The following CSMD1 variants were observed in gnomAD, a reference collection of about 807,000 sequenced individuals.
CSMD1 encodes CUB and Sushi multiple domains 1, also known as CUB and sushi domain-containing protein 1.
In CSMD1, 213 loss-of-function variants were observed where a neutral mutation model predicts 417.5. The ratio of observed to expected loss-of-function variants is 0.51; its 90% CI spans 0.46 to 0.57. The LOEUF (loss-of-function observed/expected upper bound fraction) is 0.57, where lower values mean the gene tolerates loss of function less well. Among genes scored for constraint, CSMD1 ranks in the 20% least tolerant of loss-of-function variants. The pLI is 0.00. For missense variants in CSMD1, 6,923 were observed against 4,529.7 expected (o/e 1.53, Z -15.17); for synonymous variants, 2,862 against 1,736.8 (o/e 1.65, Z -16.11).
At chr8:4,707,527 T>C (rs568133405) in intron 1 of CSMD1, among the ~76,000 whole-genome samples, 3 of 152,230 alleles carry the variant, frequency 2.0e-5, no homozygotes, top group East Asian at 3.9e-4. Flanking sequence ...AACAGTTAAA[T>C]GGAGAGGCCG....
intron 10 of CSMD1, among the ~76,000 whole-genome samples, chr8:3,502,853 T>C (rs1243263097): frequency 2.0e-5 from 3 of 152,178 alleles, no homozygotes; most frequent in South Asian, 2.1e-4. Flanking sequence ...ACGTGCACTA[T>C]GGACTTTGGT....
intron 7 of CSMD1, among the ~76,000 whole-genome samples, chr8:3,627,425 TCA>T (rs1796546975): frequency 6.6e-6 from 1 of 152,196 alleles, no homozygotes. Context: ...AGTCCTGAAA[TCA>T]CAGACATTAA....
chr8:4,820,668 T>C (rs1198023420), intron 1 of CSMD1, among the ~76,000 whole-genome samples: 3 of 152,162 alleles, frequency 2.0e-5, no homozygotes, highest in African/African-American at 7.2e-5. Context: ...TGCTTTGCCA[T>C]CATTCAAATG....
intron 2 of CSMD1, among the ~76,000 whole-genome samples, chr8:4,426,612 A>G (rs1320915930): frequency 1.3e-5 from 1 of 75,562 alleles, no homozygotes; most frequent in Non-Finnish European, 2.5e-5. Flanking sequence ...ACTATAAATT[A>G]TATTGTTTAC....
At chr8:3,305,624 C>T (rs773900861) in intron 25 of CSMD1, among the ~76,000 whole-genome samples, 14 of 151,982 alleles carry the variant, frequency 9.2e-5, no homozygotes, top group Non-Finnish European at 1.9e-4. Context: ...ATGCCATGCC[C>T]TTGGACTTCC....
intron 3 of CSMD1, among the ~76,000 whole-genome samples, chr8:4,407,686 T>G (rs1274011131): frequency 6.6e-6 from 1 of 152,182 alleles, no homozygotes; most frequent in African/African-American, 2.4e-5. Flanking sequence ...CAAATTTAAA[T>G]TTGTTATCAC....
At chr8:4,576,363 G>T (rs904810513) in intron 2 of CSMD1, among the ~76,000 whole-genome samples, 7 of 152,200 alleles carry the variant, frequency 4.6e-5, no homozygotes, top group Non-Finnish European at 7.3e-5. Context: ...GGGAGAGTCA[G>T]AGGCATTTGG....
intron 11 of CSMD1, among the ~76,000 whole-genome samples, chr8:3,483,406 A>T (rs934330671): frequency 2.6e-5 from 4 of 152,068 alleles, no homozygotes; most frequent in African/African-American, 9.6e-5. Flanking sequence ...GATTTGTCAA[A>T]AACTATTAAC....
At position 3,449,440 on chromosome 8, in the gene CSMD1, G is replaced by C. The variant is rs933882457; in HGVS notation, c.1561+19272C>G. On this transcript the variant is annotated intron_variant, in intron 12 of 69. Coordinates refer to ENST00000635120, the MANE Select transcript of CSMD1 (RefSeq NM_033225.6). ...CTCCCACCATGCCTAAGGATGTCCTGGACTCGGAAAGTGAATTTTTTCTTA... is the reference window on the plus strand; with the variant it reads ...CTCCCACCATGCCTAAGGATGTCCTCGACTCGGAAAGTGAATTTTTTCTTA... 9.2e-5 allele frequency among the ~76,000 whole-genome samples: 14 copies of C among 152,026 alleles called. No homozygotes were observed. The East Asian group carries it at 2.3e-3, about 25-fold the overall frequency.
chr8:2,941,084 C>T (rs541591849), intron 69 of CSMD1, among the ~76,000 whole-genome samples: 17 of 152,274 alleles, frequency 1.1e-4, no homozygotes, highest in African/African-American at 3.8e-4. Flanking sequence ...GCTCATCGGA[C>T]TTGTGTGTAT....
chr8:3,398,345 T>A (rs1429511338), intron 16 of CSMD1, among the ~76,000 whole-genome samples: 1 of 152,194 alleles, frequency 6.6e-6, no homozygotes, highest in Non-Finnish European at 1.5e-5. Flanking sequence ...ATAGATGGAT[T>A]TATAAACAAC....
intron 3 of CSMD1, among the ~76,000 whole-genome samples, chr8:4,362,099 G>C (rs1469397649): frequency 2.0e-5 from 3 of 152,084 alleles, no homozygotes; most frequent in Admixed American, 6.6e-5. Context: ...ATACAAATGA[G>C]AACAGAATTA....
At chr8:3,316,799 G>T (rs1291480890) in intron 23 of CSMD1, among the ~76,000 whole-genome samples, 1 of 152,138 alleles carries the variant, frequency 6.6e-6, no homozygotes, top group Non-Finnish European at 1.5e-5. Flanking sequence ...GTGCAGTGGG[G>T]GGAAGGCAAC....
intron 1 of CSMD1, among the ~76,000 whole-genome samples, chr8:4,827,441 C>A (rs187075428): frequency 2.6e-4 from 40 of 152,260 alleles, no homozygotes; most frequent in African/African-American, 9.4e-4. Flanking sequence ...AAACTCTCTT[C>A]TTTGCAGAAA....
At chr8:2,986,326 T>C (rs576834232) in intron 54 of CSMD1, among the ~76,000 whole-genome samples, 1 of 152,170 alleles carries the variant, frequency 6.6e-6, no homozygotes, top group South Asian at 2.1e-4. Flanking sequence ...CCTTGATTCT[T>C]CATCTAAGAA....
intron 12 of CSMD1, among the ~76,000 whole-genome samples, chr8:3,451,656 T>C (rs575253434): frequency 4.4e-4 from 67 of 152,306 alleles, no homozygotes; most frequent in African/African-American, 1.6e-3. Flanking sequence ...GAGGGCTCTG[T>C]TCTGTTCCAT....
intron 1 of CSMD1, among the ~76,000 whole-genome samples, chr8:4,920,117 G>T (rs1270315611): frequency 6.6e-6 from 1 of 152,172 alleles, no homozygotes; most frequent in African/African-American, 2.4e-5. Context: ...AATCAAGGTA[G>T]GTTATCATGA....
chr8:4,205,122 C>T (rs1054932383), intron 3 of CSMD1, among the ~76,000 whole-genome samples: 1 of 152,098 alleles, frequency 6.6e-6, no homozygotes, highest in Non-Finnish European at 1.5e-5. Context: ...AACATAAACA[C>T]ATTTATCTCA....
chr8:4,974,776 A>T (rs181648877), intron 1 of CSMD1, among the ~76,000 whole-genome samples: 1 of 152,272 alleles, frequency 6.6e-6, no homozygotes, highest in African/African-American at 2.4e-5. Context: ...TGAGCCTCAA[A>T]TCTTTGTCAG....
Sources: gnomAD v4.1 joint callset for allele counts (sites outside exome capture counted in the v4.1 genomes callset) on GRCh38, gnomAD v4.1.1 for gene constraint, MANE v1.5 for transcripts, NCBI Gene and HGNC (gene_info 2026-07-23, HGNC 2026-07-21) for gene names.